NOMO2: variants seen among roughly 807,000 people sequenced by gnomAD.
NOMO2 encodes the protein NODAL modulator 2.
In NOMO2, 14 loss-of-function variants were observed where a neutral mutation model predicts 67.1. That is an observed-to-expected ratio of 0.21 (90% CI 0.14 to 0.33). The LOEUF is 0.33. NOMO2 is among the 10% of genes least tolerant of loss of function. The probability of loss-of-function intolerance (pLI) is 1.00; values close to 1 mark genes in which losing one functional copy is unlikely to be tolerated. For missense variants in NOMO2, 178 were observed against 761.0 expected (o/e 0.23, Z 9.01); for synonymous variants, 80 against 305.9 (o/e 0.26, Z 7.71).
chr16:18,561,113 C>A (rs1359593899), intron 1 of NOMO2, among the ~76,000 whole-genome samples: 9 of 128,442 alleles, frequency 7.0e-5, no homozygotes, highest in Admixed American at 6.7e-4. Flanking sequence ...TTTACGGGAA[C>A]CTTTCTGGGT....
intron 1 of NOMO2, among the ~76,000 whole-genome samples, chr16:18,560,140 C>T (rs1902005002): frequency 6.6e-6 from 1 of 151,860 alleles, no homozygotes; most frequent in Admixed American, 6.6e-5. Flanking sequence ...ATTATTTCTA[C>T]ATCTTTCATA....
chr16:18,533,123 A>C lies in NOMO2; in HGVS notation c.1277T>G (p.Met426Arg). 1 of 1,611,376 alleles carries C rather than the reference A, an allele frequency of 6.2e-7. No individual in the cohort carries two copies. The highest frequency in any genetic ancestry group is 8.5e-7 in the Non-Finnish European group (1 of 1,179,696). The change falls in exon 12 of 31, where the codon ATG becomes AGG. Residue 426 changes from methionine (M) to arginine (R), a missense_variant. Met to Arg is a moderately conservative substitution (Grantham distance 91, BLOSUM62 -1). Coordinates refer to ENST00000622306, the MANE Select transcript of NOMO2 (RefSeq NM_173614.4). ...TGACAGGACAACTTTGTATTTATTC[A>C]TCTGCTTGACGGTGTCCGGGAAGCG... ...IIRFPDTVKQMNKYKVVLSSQ... is the reference protein window; with the variant it reads ...IIRFPDTVKQRNKYKVVLSSQ...
At chr16:18,535,109 T>G (rs1215643213) in intron 11 of NOMO2, among the ~76,000 whole-genome samples, 3 of 113,442 alleles carry the variant, frequency 2.6e-5, no homozygotes, top group Non-Finnish European at 5.7e-5. Context: ...CCGAGGCGGG[T>G]GGGTCACTTG....
intron 4 of NOMO2, among the ~76,000 whole-genome samples, chr16:18,550,933 G>A (rs777517360): frequency 9.0e-4 from 136 of 151,270 alleles, no homozygotes; most frequent in Non-Finnish European, 1.3e-3. Flanking sequence ...GGAGGCAGGC[G>A]GATCACCTGA....
At chr16:18,521,953 A>ACT (rs1901062917) in intron 18 of NOMO2, among the ~76,000 whole-genome samples, 1 of 14,928 alleles carries the variant, frequency 6.7e-5, no homozygotes, top group Admixed American at 1.1e-3. Flanking sequence ...GTGAGAAGGG[A>ACT]AGGCCAGCTG....
chr16:18,528,861 G>C (rs190389527), intron 15 of NOMO2, among the ~76,000 whole-genome samples: 1 of 148,600 alleles, frequency 6.7e-6, no homozygotes, highest in Non-Finnish European at 1.5e-5. Context: ...CCAGCTACTC[G>C]GGGGGCTGAA....
chr16:18,527,220 A>C (rs201348607), intron 16 of NOMO2, among the ~76,000 whole-genome samples: 10,541 of 145,018 alleles, frequency 0.073, 30 homozygotes, highest in East Asian at 0.26. Flanking sequence ...CATCTCAAAA[A>C]AAAAAAAGAG....
At chr16:18,533,950 C>A (rs1901363981) in intron 11 of NOMO2, 2 of 151,768 alleles carry the variant, frequency 1.3e-5, no homozygotes, top group African/African-American at 2.4e-5. Flanking sequence ...TGTAATAGTA[C>A]ATCCTAGCTG....
Position 18,535,206 on chromosome 16 carries a change from A to G in NOMO2, c.1221-2027T>C, listed in dbSNP as rs575416820. ...TAAAAATTAGCCTGTAATCCCAGCT[A>G]CTCAGGAGGCTGGGGCAGGAGAATC... On this transcript the variant is annotated intron_variant, in intron 11 of 30. Transcript: ENST00000622306. Among the ~76,000 whole-genome samples the G allele has an allele frequency of 2.6e-3, 372 of 145,634 alleles. 3 individuals carry two copies. The highest frequency in any genetic ancestry group is 8.9e-3 in the African/African-American group (354 of 39,712).
chr16:18,507,587 G>A (rs1212341297), intron 28 of NOMO2, among the ~76,000 whole-genome samples: 4 of 3,626 alleles, frequency 1.1e-3, no homozygotes, highest in Admixed American at 3.7e-3. Flanking sequence ...GGAAAGTCAA[G>A]CACGAAGAGA....
At chr16:18,507,365 C>T (rs1262091798) in intron 28 of NOMO2, among the ~76,000 whole-genome samples, 1 of 1,716 alleles carries the variant, frequency 5.8e-4, no homozygotes, top group African/African-American at 3.7e-3. Context: ...GGATCCACAA[C>T]GGGGCTGACT....
chr16:18,543,242 G>GCA (rs1901588460), intron 7 of NOMO2, among the ~76,000 whole-genome samples: 1 of 146,022 alleles, frequency 6.8e-6, no homozygotes, highest in Non-Finnish European at 1.5e-5. Context: ...GCAGTGGCGT[G>GCA]ATCTTGGCTC....
chr16:18,555,689 AC>A (rs1326070806), intron 2 of NOMO2, among the ~76,000 whole-genome samples: 1 of 140,164 alleles, frequency 7.1e-6, no homozygotes, highest in Non-Finnish European at 1.6e-5. Flanking sequence ...GCTCACTGCA[AC>A]CTCCGTCTCC....
intron 1 of NOMO2, chr16:18,558,790 T>C (rs1180951948): frequency 8.8e-6 from 4 of 454,572 alleles, no homozygotes; most frequent in African/African-American, 4.0e-5. Context: ...TCTTCAGGTG[T>C]AGACACAGAG....
chr16:18,550,726 G>C (rs1409613054), intron 4 of NOMO2, among the ~76,000 whole-genome samples: 119 of 152,204 alleles, frequency 7.8e-4, no homozygotes, highest in Non-Finnish European at 1.3e-3. Flanking sequence ...AATCCTCCTA[G>C]GTAAGTGTCG....
chr16:18,559,053 C>T (rs1300892133), intron 1 of NOMO2, among the ~76,000 whole-genome samples: 1 of 151,654 alleles, frequency 6.6e-6, no homozygotes, highest in Non-Finnish European at 1.5e-5. Context: ...GCCTCAGCTA[C>T]TCAGGAGGCC....
intron 9 of NOMO2, among the ~76,000 whole-genome samples, chr16:18,541,969 T>C (rs1168625404): frequency 3.5e-5 from 2 of 57,630 alleles, no homozygotes; most frequent in Non-Finnish European, 7.1e-5. Flanking sequence ...AATAAATATA[T>C]TTCATTGAAT....
At chr16:18,548,699 T>G (rs1202720150) in intron 5 of NOMO2, among the ~76,000 whole-genome samples, 1 of 152,056 alleles carries the variant, frequency 6.6e-6, no homozygotes, top group Non-Finnish European at 1.5e-5. Context: ...TGAGCTAATA[T>G]GCCAGGCAGC....
chr16:18,535,868 C>A (rs1191610958), intron 11 of NOMO2, among the ~76,000 whole-genome samples: 1 of 152,000 alleles, frequency 6.6e-6, no homozygotes, highest in Non-Finnish European at 1.5e-5. Flanking sequence ...GCAATCTCAG[C>A]TCACTGCAAC....
Sources: allele counts gnomAD v4.1 joint callset (sites outside exome capture counted in the v4.1 genomes callset), GRCh38; gene constraint gnomAD v4.1.1; transcripts MANE v1.5; gene names NCBI Gene and HGNC (gene_info 2026-07-23, HGNC 2026-07-21).